The following CLSTN2 variants were observed in gnomAD, a reference collection of about 807,000 sequenced individuals.
CLSTN2 encodes the protein calsyntenin 2.
A neutral mutation model predicts 101.2 loss-of-function variants in CLSTN2; 48 were observed. The ratio of observed to expected loss-of-function variants is 0.47; its 90% confidence interval spans 0.38 to 0.60. The LOEUF (loss-of-function observed/expected upper bound fraction) is 0.60. Among genes scored for constraint, CLSTN2 ranks in the 20% least tolerant of loss-of-function variants. CLSTN2 has a pLI of 0.00. For synonymous variants in CLSTN2, 481 were observed against 463.6 expected (o/e 1.04, Z -0.48); for missense variants, 1,160 against 1,238.2 (o/e 0.94, Z 0.95).
At chr3:140,485,600 C>G (rs1934222041) in intron 8 of CLSTN2, among the ~76,000 whole-genome samples, 1 of 152,168 alleles carries the variant, frequency 6.6e-6, no homozygotes, top group South Asian at 2.1e-4. Flanking sequence ...GCAGTGGGCT[C>G]CACCCAGTTC....
At chr3:140,180,891 C>T (rs1276372429) in intron 2 of CLSTN2, among the ~76,000 whole-genome samples, 4 of 152,204 alleles carry the variant, frequency 2.6e-5, no homozygotes, top group Non-Finnish European at 5.9e-5. Flanking sequence ...TCCTTTTGTT[C>T]AGGGCCTGCT....
At chr3:140,481,222 G>C (rs538057314) in intron 8 of CLSTN2, among the ~76,000 whole-genome samples, 1 of 152,114 alleles carries the variant, frequency 6.6e-6, no homozygotes, top group Non-Finnish European at 1.5e-5. Context: ...CCCATTTCTT[G>C]TTTTTGTCAG....
At chr3:140,422,993 A>T (rs561139123) in intron 5 of CLSTN2, among the ~76,000 whole-genome samples, 1 of 152,328 alleles carries the variant, frequency 6.6e-6, no homozygotes, top group South Asian at 2.1e-4. Flanking sequence ...CTTTGAAGAG[A>T]AAACCTGGAA....
intron 2 of CLSTN2, among the ~76,000 whole-genome samples, chr3:140,378,287 C>G (rs935228719): frequency 6.6e-6 from 1 of 152,226 alleles, no homozygotes; most frequent in African/African-American, 2.4e-5. Flanking sequence ...AGCACCTACT[C>G]TGGATGACAT....
At chr3:140,151,500 T>C (rs915789906) in intron 1 of CLSTN2, among the ~76,000 whole-genome samples, 1 of 151,968 alleles carries the variant, frequency 6.6e-6, no homozygotes, top group Non-Finnish European at 1.5e-5. Context: ...AGAAGTGGGA[T>C]CTTTATACAC....
At chr3:140,030,138 C>G (rs2107759410) in intron 1 of CLSTN2, among the ~76,000 whole-genome samples, 1 of 152,254 alleles carries the variant, frequency 6.6e-6, no homozygotes, top group South Asian at 2.1e-4. Flanking sequence ...AGCAACAGGA[C>G]CACAGAGAAA....
chr3:140,405,692 A>G (rs546528700), intron 4 of CLSTN2, among the ~76,000 whole-genome samples: 1 of 152,338 alleles, frequency 6.6e-6, no homozygotes, highest in South Asian at 2.1e-4. Flanking sequence ...CCACGAATAG[A>G]AAACTCATTG....
At chr3:140,115,208 C>T (rs1280033255) in intron 1 of CLSTN2, among the ~76,000 whole-genome samples, 1 of 152,206 alleles carries the variant, frequency 6.6e-6, no homozygotes, top group East Asian at 1.9e-4. Flanking sequence ...ATATCTTATT[C>T]TTCAGCCCCT....
chr3:140,171,846 AAT>A (rs1296082889), intron 1 of CLSTN2, among the ~76,000 whole-genome samples: 181 of 115,222 alleles, frequency 1.6e-3, no homozygotes, highest in Non-Finnish European at 2.0e-3. Context: ...TATATAATAT[AAT>A]ATATATATTA....
chr3:140,554,590 A>G (rs887103473), intron 10 of CLSTN2, among the ~76,000 whole-genome samples: 30 of 152,344 alleles, frequency 2.0e-4, no homozygotes, highest in African/African-American at 7.0e-4. Flanking sequence ...ATCTCTAGCA[A>G]TGGAGAAGTT....
chr3:140,517,608 G>C (rs575283939), intron 8 of CLSTN2, among the ~76,000 whole-genome samples: 38 of 152,114 alleles, frequency 2.5e-4, no homozygotes, highest in African/African-American at 9.2e-4. Flanking sequence ...TAGCCACCCA[G>C]CAGAACTACT....
chr3:140,244,393 G>A (rs576142586), intron 2 of CLSTN2, among the ~76,000 whole-genome samples: 30 of 152,148 alleles, frequency 2.0e-4, no homozygotes, highest in Admixed American at 3.3e-4. Flanking sequence ...CCCTACAACC[G>A]TCAGGAAATG....
At chr3:140,076,653 T>TTC (rs1491412394) in intron 1 of CLSTN2, among the ~76,000 whole-genome samples, 19 of 107,696 alleles carry the variant, frequency 1.8e-4, no homozygotes, top group African/African-American at 5.6e-4. Flanking sequence ...TTTTTTTTTT[T>TTC]CCTAGCCTTC....
In CLSTN2 at chr3:140,562,213, TG is replaced by T. The variant is rs775900592; in HGVS notation, c.2119del (p.Asp707ThrfsTer36). The T allele has an allele frequency of 6.2e-7, 1 of 1,614,114 alleles. No homozygotes were observed. Among genetic ancestry groups the T allele is most frequent in the South Asian group, 1.1e-5 (1 of 91,070 alleles). On this transcript the variant is annotated frameshift_variant, in exon 13 of 17. Coordinates refer to ENST00000458420, the MANE Select transcript of CLSTN2 (RefSeq NM_022131.3). LOFTEE classifies it high-confidence loss of function. ...FCDILVIGGD[L>X]DPRQECLELN... ...GACATTTTGGTGATCGGAGGGGACT[TG>T]GACCCAAGGCAGGAGTGCTTGGAGC...
At chr3:139,944,979 T>C (rs1176261933) in intron 1 of CLSTN2, among the ~76,000 whole-genome samples, 1 of 152,222 alleles carries the variant, frequency 6.6e-6, no homozygotes, top group Non-Finnish European at 1.5e-5. Flanking sequence ...AGGCTGTCGG[T>C]GTTTTTCTCA....
intron 5 of CLSTN2, among the ~76,000 whole-genome samples, chr3:140,444,426 G>T (rs1433907533): frequency 9.5e-6 from 1 of 105,418 alleles, no homozygotes. Flanking sequence ...GCAAAACTCC[G>T]TCTCAAAAAA....
intron 1 of CLSTN2, among the ~76,000 whole-genome samples, chr3:140,042,118 A>G (rs2007772852): frequency 6.6e-6 from 1 of 152,162 alleles, no homozygotes; most frequent in Non-Finnish European, 1.5e-5. Flanking sequence ...ATTTTAGAAC[A>G]TTTTCATCAA....
chr3:140,419,162 T>C (rs987201132), intron 4 of CLSTN2, among the ~76,000 whole-genome samples: 1 of 151,884 alleles, frequency 6.6e-6, no homozygotes, highest in Non-Finnish European at 1.5e-5. Flanking sequence ...AGGCAATTTT[T>C]CTTTAGTTTT....
At chr3:139,976,683 C>T (rs1399793500) in intron 1 of CLSTN2, among the ~76,000 whole-genome samples, 1 of 152,190 alleles carries the variant, frequency 6.6e-6, no homozygotes, top group African/African-American at 2.4e-5. Context: ...ACTGTCCTGG[C>T]TCAGCATACA....
Sources: gnomAD v4.1 joint callset for allele counts (sites outside exome capture counted in the v4.1 genomes callset) on GRCh38, gnomAD v4.1.1 for gene constraint, MANE v1.5 for transcripts, NCBI Gene and HGNC (gene_info 2026-07-23, HGNC 2026-07-21) for gene names.